CSMD3: variants seen among roughly 807,000 people sequenced by gnomAD.
CSMD3 encodes CUB and Sushi multiple domains 3.
In CSMD3, 177 loss-of-function variants were observed where a neutral mutation model predicts 435.2. That is an observed-to-expected ratio of 0.41 (90% CI 0.36 to 0.46). The LOEUF is 0.46. Among genes scored for constraint, CSMD3 ranks in the 20% least tolerant of loss-of-function variants. The pLI, the probability that CSMD3 is intolerant of heterozygous loss-of-function variation, is 0.34. For synonymous variants in CSMD3, 1,656 were observed against 1,520.5 expected (o/e 1.09, Z -2.07); for missense variants, 4,265 against 4,504.6 (o/e 0.95, Z 1.52).
chr8:112,759,758 T>A (rs1168616915), intron 13 of CSMD3, among the ~76,000 whole-genome samples: 1 of 152,124 alleles, frequency 6.6e-6, no homozygotes, highest in Non-Finnish European at 1.5e-5. Context: ...CTTTTAGTGA[T>A]CTTTTTGCTA....
In CSMD3 at chr8:112,346,097, C is replaced by T; in HGVS notation, c.6442G>A (p.Gly2148Ser). 1 of 1,536,484 alleles carries T rather than the reference C, an allele frequency of 6.5e-7. No homozygotes were observed. The highest frequency in any genetic ancestry group is 9.0e-7 in the Non-Finnish European group (1 of 1,109,376). The part of the protein sequence containing the change: ...TWTINLPIGF[G>S]VHLQFVNFST... ...TTTCACGTGTTTTTAATACACATACCAAAACCTATGGGTAGATTTATTGTC... is the reference window on the plus strand; with the variant it reads ...TTTCACGTGTTTTTAATACACATACTAAAACCTATGGGTAGATTTATTGTC... Residue 2148 changes from glycine (G) to serine (S), a missense_variant and splice_region_variant, in exon 41 of 71, where the codon GGT becomes AGT. Gly to Ser is a moderately conservative substitution (Grantham distance 56). Around this residue, in one of 3 missense-constraint regions of CSMD3, gnomAD observed 3,255 missense variants for 3,380.2 expected, o/e 0.96. Coordinates refer to ENST00000297405, the MANE Select transcript of CSMD3 (RefSeq NM_198123.2).
At chr8:112,439,657 G>A (rs1394553891) in intron 32 of CSMD3, among the ~76,000 whole-genome samples, 1 of 152,096 alleles carries the variant, frequency 6.6e-6, no homozygotes, top group Non-Finnish European at 1.5e-5. Context: ...CATGGCTGGG[G>A]AAGCCTCAGA....
intron 6 of CSMD3, among the ~76,000 whole-genome samples, chr8:112,989,764 C>T (rs902156929): frequency 7.2e-5 from 11 of 151,976 alleles, no homozygotes; most frequent in Non-Finnish European, 1.5e-4. Flanking sequence ...TGGAGCTTCA[C>T]TTTCAATATT....
At chr8:112,707,269 TCTTA>T (rs942154967) in intron 13 of CSMD3, among the ~76,000 whole-genome samples, 10 of 152,000 alleles carry the variant, frequency 6.6e-5, no homozygotes, top group Non-Finnish European at 1.3e-4. Flanking sequence ...GATAAACCAC[TCTTA>T]CTTATTATGA....
chr8:112,232,074 G>A (rs898025561), intron 68 of CSMD3, among the ~76,000 whole-genome samples: 34 of 152,126 alleles, frequency 2.2e-4, no homozygotes, highest in African/African-American at 7.5e-4. Flanking sequence ...ATGGAGTGTG[G>A]GGATTGGGAT....
chr8:113,057,100 T>A (rs1194820383), intron 5 of CSMD3, among the ~76,000 whole-genome samples: 2 of 152,182 alleles, frequency 1.3e-5, no homozygotes, highest in Non-Finnish European at 2.9e-5. Flanking sequence ...ATTTTTCAGT[T>A]ATCTACTCAA....
At chr8:113,002,983 T>C (rs1475105660) in intron 6 of CSMD3, among the ~76,000 whole-genome samples, 2 of 152,112 alleles carry the variant, frequency 1.3e-5, no homozygotes, top group African/African-American at 4.8e-5. Flanking sequence ...TTCACGTCTG[T>C]AATCCCAGCA....
intron 38 of CSMD3, among the ~76,000 whole-genome samples, chr8:112,370,655 C>T (rs1436712983): frequency 3.3e-5 from 5 of 152,170 alleles, no homozygotes; most frequent in Admixed American, 2.6e-4. Flanking sequence ...GTCACAGTCT[C>T]CATAAGGTCT....
At chr8:113,153,295 AC>A (rs2091868450) in intron 4 of CSMD3, among the ~76,000 whole-genome samples, 1 of 151,892 alleles carries the variant, frequency 6.6e-6, no homozygotes, top group Non-Finnish European at 1.5e-5. Flanking sequence ...TGCATCACTC[AC>A]TTCCTTTTCA....
At position 112,859,374 on chromosome 8, in the gene CSMD3, C is replaced by T. The variant is rs2080760407; in HGVS notation, c.1634-108G>A. Reference sequence around the variant, plus strand: ...ACATTCAAAATGACACAATTATAACCACATTGAAATATATATTATGGTATT... The same window carrying T: ...ACATTCAAAATGACACAATTATAACTACATTGAAATATATATTATGGTATT... On this transcript the variant is annotated intron_variant, in intron 10 of 70. Transcript: ENST00000297405. 6.6e-6 allele frequency: 6 copies of T among 911,582 alleles called. No homozygotes were observed. In the East Asian group the frequency reaches 1.6e-4, roughly 24 times the overall value. The allele number at this position is 911,582 out of a possible 1,614,324, so 56.5% of individuals were successfully genotyped here. A position where few individuals can be genotyped will look rare whatever the true frequency, so the allele number is the denominator to read the frequency against.
At chr8:113,328,965 T>C (rs1480731490) in intron 1 of CSMD3, among the ~76,000 whole-genome samples, 2 of 151,244 alleles carry the variant, frequency 1.3e-5, no homozygotes, top group Non-Finnish European at 2.9e-5. Context: ...TAGGCTCAAA[T>C]TCCTGGACTC....
chr8:113,010,315 A>G (rs551369064), intron 6 of CSMD3, among the ~76,000 whole-genome samples: 4 of 151,932 alleles, frequency 2.6e-5, no homozygotes, highest in African/African-American at 9.6e-5. Flanking sequence ...TGAAAAGGGA[A>G]GGAGGAAGTG....
chr8:112,233,994 T>A (rs1047598904), intron 68 of CSMD3, among the ~76,000 whole-genome samples: 1 of 152,142 alleles, frequency 6.6e-6, no homozygotes, highest in Non-Finnish European at 1.5e-5. Context: ...AAAGATTGAA[T>A]TATATTTTAT....
rs192366467 is a variant in CSMD3, at chr8:113,048,293, C to T, written c.918-29114G>A. Among the ~76,000 whole-genome samples the T allele has an allele frequency of 2.3e-3, 349 of 152,164 alleles. 2 individuals carry two copies. The highest frequency in any genetic ancestry group is 8.4e-3 in the African/African-American group (347 of 41,520). ...TATTTTTAGTAGAGACGGGGTTTCA[C>T]CGTGTTATCCAGGCTGGTCTCCATC... On this transcript the variant is annotated intron_variant, in intron 5 of 70. Transcript: ENST00000297405.
In CSMD3 at chr8:112,573,560, C is replaced by T. The variant is rs992342024; in HGVS notation, c.3983G>A (p.Trp1328Ter). ...LTLSSTSNQL[W>*]LEFNSDTEGT... ...TTCAGTATCGGAATTAAATTCTAGC[C>T]AGAGTTGATTTGAAGTACTACTAAG... is the stretch of plus-strand genomic sequence containing the variant. The change falls in exon 24 of 71, where the codon TGG becomes TAG. Residue 1328 changes from tryptophan to a stop codon, truncating the protein, a stop_gained. Coordinates refer to ENST00000297405, the MANE Select transcript of CSMD3 (RefSeq NM_198123.2). LOFTEE classifies it high-confidence loss of function. 6.2e-7 allele frequency: 1 copy of T among 1,613,386 alleles called. No homozygotes were observed. The highest frequency in any genetic ancestry group is 8.5e-7 in the Non-Finnish European group (1 of 1,179,540).
At chr8:112,298,288 T>C (rs1820538161) in intron 53 of CSMD3, among the ~76,000 whole-genome samples, 1 of 152,016 alleles carries the variant, frequency 6.6e-6, no homozygotes, top group African/African-American at 2.4e-5. Context: ...TATGAACAAA[T>C]TTAGAGGATT....
chr8:112,489,189 G>A (rs148533232), intron 31 of CSMD3, among the ~76,000 whole-genome samples: 762 of 152,210 alleles, frequency 5.0e-3, no homozygotes, highest in Non-Finnish European at 6.7e-3. Context: ...AGGCCAAGGC[G>A]GGAGGATCAC....
chr8:112,761,385 C>T (rs2077833671), intron 13 of CSMD3, among the ~76,000 whole-genome samples: 1 of 152,060 alleles, frequency 6.6e-6, no homozygotes, highest in Non-Finnish European at 1.5e-5. Context: ...CATTACTTAG[C>T]TAATTTATTC....
intron 23 of CSMD3, among the ~76,000 whole-genome samples, chr8:112,576,054 TA>T (rs1309084697): frequency 1.6e-5 from 2 of 124,874 alleles, no homozygotes; most frequent in African/African-American, 5.2e-5. Flanking sequence ...TAAATATAAA[TA>T]AAATACAATC....
Sources: gnomAD v4.1 joint callset for allele counts (sites outside exome capture counted in the v4.1 genomes callset) on GRCh38, gnomAD v4.1.1 for gene constraint, gnomAD v4.1.1 regional missense constraint, MANE v1.5 for transcripts, NCBI Gene and HGNC (gene_info 2026-07-23, HGNC 2026-07-21) for gene names.